The following TRRAP variants were observed in gnomAD, a reference collection of about 807,000 sequenced individuals.
TRRAP encodes the protein transformation/transcription domain associated protein.
A neutral mutation model predicts 438.8 loss-of-function variants in TRRAP; 41 were observed. The ratio of observed to expected loss-of-function variants is 0.09; its 90% CI spans 0.07 to 0.12. TRRAP has a LOEUF of 0.12. Among genes scored for constraint, TRRAP ranks in the 10% least tolerant of loss-of-function variants. TRRAP has a pLI of 1.00. For missense variants in TRRAP, 3,122 were observed against 5,055.1 expected, an observed-to-expected ratio of 0.62 and a Z score of 11.60; for synonymous variants, 1,994 against 1,962.9, an observed-to-expected ratio of 1.02 and a Z score of -0.42.
At chr7:98,940,918 T>C (rs1256297974) in intron 30 of TRRAP, among the ~76,000 whole-genome samples, 4 of 152,200 alleles carry the variant, frequency 2.6e-5, no homozygotes, top group Non-Finnish European at 5.9e-5. Flanking sequence ...GTTTAATAGC[T>C]CAAGCCATCA....
intron 3 of TRRAP, among the ~76,000 whole-genome samples, chr7:98,882,350 C>T (rs1795484743): frequency 6.7e-6 from 1 of 148,352 alleles, no homozygotes; most frequent in African/African-American, 2.5e-5. Flanking sequence ...ACTTTTCTTT[C>T]TTTCTTTTCT....
chr7:98,962,622 T>C (rs1469868993), intron 47 of TRRAP, among the ~76,000 whole-genome samples, 195 bp downstream of exon 47: 1 of 152,232 alleles, frequency 6.6e-6, no homozygotes, highest in East Asian at 1.9e-4. Flanking sequence ...CGCCGATGCT[T>C]GCTCTGTGCT....
chr7:98,993,691 G>T lies in TRRAP; in HGVS notation c.10001G>T (p.Gly3334Val). The change falls in exon 66 of 73, where the codon GGC (glycine) becomes GTC (valine). Residue 3334 changes from glycine (G) to valine (V), a missense_variant. Physicochemically the swap from Gly to Val is moderately radical, Grantham distance 109. Transcript: ENST00000456197. ...CCCACCCTTCTGTCTTCCCTGGAAG[G>T]CATCGTCGATCAGATGGTCTGGTTC... ...LHPTLLSSLEGIVDQMVWFRE... is the reference protein window; with the variant it reads ...LHPTLLSSLEVIVDQMVWFRE... 1 of 1,614,250 alleles carries T rather than the reference G, an allele frequency of 6.2e-7. No homozygotes were observed. The highest frequency in any genetic ancestry group is 8.5e-7 in the Non-Finnish European group (1 of 1,180,048).
chr7:98,891,087 C>T (rs1241096444), intron 4 of TRRAP, among the ~76,000 whole-genome samples: 5 of 151,006 alleles, frequency 3.3e-5, no homozygotes, highest in African/African-American at 9.7e-5. Flanking sequence ...TGAGCCACTA[C>T]GCCTAGCCTA....
In TRRAP at chr7:98,908,647, C is replaced by A; in HGVS notation, c.1116-81C>A. 7.7e-7 allele frequency: 1 copy of A among 1,297,272 alleles called. No individual in the cohort carries two copies. The allele number at this position is 1,297,272 out of a possible 1,614,324, so 80.4% of individuals were successfully genotyped here. A position where few individuals can be genotyped will look rare whatever the true frequency, so the allele number is the denominator to read the frequency against. The stretch of plus-strand genomic sequence containing the variant: ...CGACCCAGGGGTGGTGTTCCTGGGG[C>A]AGATGGTGATATCCTTGGTGGCCTG... On this transcript the variant is annotated intron_variant, in intron 13 of 72. Coordinates refer to ENST00000456197, the MANE Select transcript of TRRAP (RefSeq NM_001375524.1). This position sits in a 1 kb window ranked among gnomAD's most constrained non-coding sequence, Gnocchi z 4.1.
At chr7:99,009,403 G>C (rs964392516) in intron 70 of TRRAP, among the ~76,000 whole-genome samples, 1 of 152,184 alleles carries the variant, frequency 6.6e-6, no homozygotes. Flanking sequence ...TTGAGCCCAT[G>C]GTGTACTCTG....
intron 4 of TRRAP, among the ~76,000 whole-genome samples, chr7:98,891,926 G>C (rs1796000296): frequency 6.6e-6 from 1 of 152,164 alleles, no homozygotes; most frequent in Non-Finnish European, 1.5e-5. Flanking sequence ...TCATGCCAGT[G>C]TGAGACCTTA....
Position 98,912,053 on chromosome 7 carries a change from C to T in TRRAP, c.2039C>T (p.Thr680Ile). 1.9e-6 allele frequency: 3 copies of T among 1,613,868 alleles called. No individual in the cohort carries two copies. The highest frequency in any genetic ancestry group is 2.5e-6 in the Non-Finnish European group (3 of 1,179,928). ...GCCAATTCCTTCTTGGCAAATCCTA[C>T]TACCTCTGCTCTGTTTGCTACGATT... ...IVANSFLANP[T>I]TSALFATILV... The change falls in exon 18 of 73, where the codon ACT becomes ATT. Residue 680 changes from threonine to isoleucine, a missense_variant. Thr to Ile is a moderately conservative substitution (Grantham distance 89, BLOSUM62 -1). Transcript: ENST00000456197.
chr7:98,909,000 C>A lies in TRRAP; in HGVS notation c.1350+38C>A. 1.7e-5 allele frequency: 24 copies of A among 1,450,576 alleles called. No individual in the cohort carries two copies. The highest frequency in any genetic ancestry group is 2.5e-5 in the South Asian group (2 of 81,554). 89.9% of individuals were successfully genotyped at this position (1,450,576 alleles called of 1,614,324 possible). On this transcript the variant is annotated intron_variant, in intron 14 of 72. Coordinates refer to ENST00000456197, the MANE Select transcript of TRRAP (RefSeq NM_001375524.1). The surrounding 1 kb of genome is among the most constrained non-coding windows in gnomAD (Gnocchi z 4.1). ...CTGAGAGTATCATCCATCCTGCACT[C>A]TATCCTGTTTGTGGCTAAATTTTTT...
chr7:98,892,531 A>G lies in TRRAP; in HGVS notation c.366+3A>G. ...CTGTGATGTTTCGCTTTTTAGAGGT[A>G]AGTTTTGAGAATTAATTCTTGTCGT... On this transcript the variant is annotated splice_donor_region_variant and intron_variant, in intron 5 of 72. Coordinates refer to ENST00000456197, the MANE Select transcript of TRRAP (RefSeq NM_001375524.1). The G allele has an allele frequency of 4.4e-6, 7 of 1,599,034 alleles. No homozygotes were observed. The Middle Eastern group carries it at 1.0e-3, about 231-fold the overall frequency.
chr7:98,976,297 GA>G lies in TRRAP; in HGVS notation c.7959+33del. ...AGTGTATCTTTAAAATCCTGTTTTG[GA>G]AAATTGTAGTTTTAGCTTTTGGTAA... is the stretch of plus-strand genomic sequence containing the variant. On this transcript the variant is annotated intron_variant, in intron 54 of 72. Transcript: ENST00000456197. This position sits in a 1 kb window ranked among gnomAD's most constrained non-coding sequence, Gnocchi z 4.6. 6.2e-7 allele frequency: 1 copy of G among 1,611,386 alleles called. No individual in the cohort carries two copies.
chr7:99,007,304 T>C (rs1239436978), intron 69 of TRRAP, among the ~76,000 whole-genome samples: 1 of 152,228 alleles, frequency 6.6e-6, no homozygotes, highest in Non-Finnish European at 1.5e-5. Context: ...TAGACTCTGA[T>C]TAAGGAAAGC....
chr7:98,995,737 G>A (rs140379903), intron 67 of TRRAP, among the ~76,000 whole-genome samples: 25 of 115,420 alleles, frequency 2.2e-4, no homozygotes, highest in Admixed American at 3.1e-4. Context: ...CCCACGTCCC[G>A]TCCATGCACC....
intron 37 of TRRAP, 55 bp downstream of exon 37, chr7:98,949,896 G>A (rs994293467): frequency 5.0e-6 from 8 of 1,584,526 alleles, no homozygotes; most frequent in African/African-American, 1.3e-5. Context: ...CAAAAGCTCA[G>A]CCAGAGCCTC....
intron 18 of TRRAP, among the ~76,000 whole-genome samples, chr7:98,914,573 G>A (rs571060304): frequency 9.9e-5 from 15 of 151,600 alleles, no homozygotes; most frequent in African/African-American, 3.4e-4. Context: ...AATGTGGCTG[G>A]GCATGGTGGC....
At chr7:98,999,405 T>G (rs1793818614) in intron 67 of TRRAP, 11 of 1,204,112 alleles carry the variant, frequency 9.1e-6, no homozygotes, top group Admixed American at 5.3e-5. Context: ...TTGATCTACA[T>G]GAGATCCAGC....
intron 6 of TRRAP, 88 bp from the exon 7 acceptor site, chr7:98,895,676 A>G (rs1009524108): frequency 1.8e-6 from 2 of 1,139,638 alleles, no homozygotes; most frequent in South Asian, 1.6e-5. Flanking sequence ...GTTCTTACGT[A>G]GTAAGACAAT....
At chr7:98,949,352 A>G in intron 35 of TRRAP, 65 bp from the exon 36 acceptor site, 1 of 1,420,204 alleles carries the variant, frequency 7.0e-7, no homozygotes, top group Non-Finnish European at 9.2e-7. Flanking sequence ...TTTAACATTC[A>G]TATCCTCTAA....
rs1336595056 is a variant in TRRAP, at chr7:98,884,071, T to C, written c.150+2047T>C. ...CATCAGAGGTTGATTTTAGGCTTTGTTGCAGTTGGTCTAGAATAGGCCTTA... is the reference window on the plus strand; with the variant it reads ...CATCAGAGGTTGATTTTAGGCTTTGCTGCAGTTGGTCTAGAATAGGCCTTA... On this transcript the variant is annotated intron_variant, in intron 3 of 72. Coordinates refer to ENST00000456197, the MANE Select transcript of TRRAP (RefSeq NM_001375524.1). 3.3e-5 allele frequency among the ~76,000 whole-genome samples: 5 copies of C among 152,278 alleles called. No homozygotes were observed. In the East Asian group the frequency reaches 9.6e-4, roughly 29 times the overall value.
Sources: gnomAD v4.1 joint callset for allele counts (sites outside exome capture counted in the v4.1 genomes callset) on GRCh38, gnomAD v4.1.1 for gene constraint, Gnocchi (gnomAD v3.1) non-coding constraint, MANE v1.5 for transcripts, NCBI Gene and HGNC (gene_info 2026-07-23, HGNC 2026-07-21) for gene names.